Variants in ALK observed in about 807,000 individuals in gnomAD.
ALK encodes the protein ALK receptor tyrosine kinase.
Under a neutral mutation model 163.1 loss-of-function variants are expected in ALK, and 74 were observed. That is an observed-to-expected ratio of 0.45 (90% confidence interval 0.38 to 0.55). The LOEUF (loss-of-function observed/expected upper bound fraction) is 0.55. ALK is among the 20% of genes least tolerant of loss of function. The pLI is 0.00. For missense variants in ALK, 2,063 were observed against 2,105.3 expected (o/e 0.98, Z 0.39); for synonymous variants, 960 against 843.2 (o/e 1.14, Z -2.40).
intron 3 of ALK, among the ~76,000 whole-genome samples, chr2:29,622,073 A>G (rs1240006055): frequency 6.6e-6 from 1 of 152,230 alleles, no homozygotes; most frequent in African/African-American, 2.4e-5. Flanking sequence ...TTTACAGGTT[A>G]GCTTGGTTTA....
At chr2:29,750,695 G>A (rs1680337479) in intron 1 of ALK, among the ~76,000 whole-genome samples, 2 of 141,626 alleles carry the variant, frequency 1.4e-5, no homozygotes, top group South Asian at 5.1e-4. Flanking sequence ...AAGGAAGGAA[G>A]GAAGGCAGGC....
intron 3 of ALK, among the ~76,000 whole-genome samples, chr2:29,633,284 T>C (rs1676430101): frequency 6.6e-6 from 1 of 152,106 alleles, no homozygotes; most frequent in African/African-American, 2.4e-5. Flanking sequence ...AAGGCTGCAC[T>C]CTTGTTCTGA....
chr2:29,368,824 AG>A (rs1668573745), intron 5 of ALK, among the ~76,000 whole-genome samples: 1 of 152,154 alleles, frequency 6.6e-6, no homozygotes, highest in South Asian at 2.1e-4. Flanking sequence ...ATCTGTTCTC[AG>A]GGGTGATATT....
chr2:29,377,705 C>A (rs1668790990), intron 5 of ALK, among the ~76,000 whole-genome samples: 1 of 152,080 alleles, frequency 6.6e-6, no homozygotes, highest in African/African-American at 2.4e-5. Context: ...AGTTCAAACA[C>A]CCTCATTTTA....
intron 1 of ALK, among the ~76,000 whole-genome samples, chr2:29,841,742 A>G (rs1665706991): frequency 6.6e-6 from 1 of 152,198 alleles, no homozygotes; most frequent in Admixed American, 6.5e-5. Context: ...CAATGAAATA[A>G]ACTTCCATTT....
chr2:29,200,454 T>A (rs1669128376), intron 26 of ALK, among the ~76,000 whole-genome samples: 1 of 152,118 alleles, frequency 6.6e-6, no homozygotes, highest in Non-Finnish European at 1.5e-5. Context: ...CAATACCAGA[T>A]ACCTAGTTAA....
intron 4 of ALK, among the ~76,000 whole-genome samples, chr2:29,490,503 C>T (rs570594857): frequency 1.1e-4 from 16 of 152,282 alleles, no homozygotes; most frequent in South Asian, 4.1e-4. Flanking sequence ...TATTAGGCCT[C>T]GTTCCAGCCT....
intron 26 of ALK, among the ~76,000 whole-genome samples, chr2:29,205,498 G>A (rs551604761): frequency 6.6e-6 from 1 of 152,178 alleles, no homozygotes; most frequent in Non-Finnish European, 1.5e-5. Flanking sequence ...CTGAAGGCCG[G>A]ACATCTGAAA....
chr2:29,564,697 T>C (rs1199596930), intron 3 of ALK, among the ~76,000 whole-genome samples: 1 of 152,196 alleles, frequency 6.6e-6, no homozygotes, highest in Non-Finnish European at 1.5e-5. Flanking sequence ...ACTGAGGTCA[T>C]TATGCGTGAG....
At chr2:29,726,266 A>T (rs1378851563) in intron 1 of ALK, among the ~76,000 whole-genome samples, 2 of 151,946 alleles carry the variant, frequency 1.3e-5, no homozygotes, top group Non-Finnish European at 2.9e-5. Context: ...TATGAAATTT[A>T]CTCCACTGTG....
intron 3 of ALK, among the ~76,000 whole-genome samples, chr2:29,589,554 T>C (rs1223539638): frequency 6.6e-6 from 1 of 152,186 alleles, no homozygotes. Flanking sequence ...GGCAGGTCTT[T>C]TGGGTCCCAA....
chr2:29,321,216 A>C (rs1667033586), intron 6 of ALK, among the ~76,000 whole-genome samples: 1 of 152,246 alleles, frequency 6.6e-6, no homozygotes, highest in Admixed American at 6.5e-5. Flanking sequence ...CAGCTAACAG[A>C]TAACCCAGTT....
intron 3 of ALK, among the ~76,000 whole-genome samples, chr2:29,546,891 A>AC (rs2148171223): frequency 6.6e-6 from 1 of 152,276 alleles, no homozygotes; most frequent in East Asian, 1.9e-4. Flanking sequence ...GTTCTCAGAT[A>AC]CCCGCTGCTG....
At chr2:29,283,124 T>G (rs10173020) in intron 9 of ALK, among the ~76,000 whole-genome samples, 136,686 of 152,202 alleles carry the variant, frequency 0.9, 62,552 homozygotes, top group Non-Finnish European at 0.99. Flanking sequence ...TAGGGAAGGA[T>G]TCAAGTGCCT....
intron 9 of ALK, among the ~76,000 whole-genome samples, chr2:29,281,561 C>T (rs1207029790): frequency 6.6e-6 from 1 of 152,192 alleles, no homozygotes; most frequent in African/African-American, 2.4e-5. Flanking sequence ...GTTGTTGTTG[C>T]TTTTTCTTTT....
In ALK at chr2:29,204,365, C is replaced by T. The variant is rs1347919890; in HGVS notation, c.3938+2806G>A. Among the ~76,000 whole-genome samples, 5 of 152,286 alleles carry T rather than the reference C, an allele frequency of 3.3e-5. No homozygotes were observed. The East Asian group carries it at 9.6e-4, about 29-fold the overall frequency. Reference sequence around the variant, plus strand: ...TTAATTGTCTTGTTTCTTTGGGCTTCTCTTGACTATGACAACACCTCCGAC... The same window carrying T: ...TTAATTGTCTTGTTTCTTTGGGCTTTTCTTGACTATGACAACACCTCCGAC... On this transcript the variant is annotated intron_variant, in intron 26 of 28. Transcript: ENST00000389048.
intron 23 of ALK, among the ~76,000 whole-genome samples, chr2:29,217,513 G>A (rs909106368): frequency 6.6e-6 from 1 of 151,342 alleles, no homozygotes; most frequent in African/African-American, 2.5e-5. Context: ...CATGCATTTC[G>A]TTTCCACAAC....
rs114688371 is a variant in ALK at position 29,410,349 on chromosome 2, C to A, written c.1155-26490G>T. ...CCTTTGTGTATCACCTAATTGTGAC[C>A]TGGAAGCTCCTGCCCACCTTCTGCC... On this transcript the variant is annotated intron_variant, in intron 4 of 28. Transcript: ENST00000389048. Among the ~76,000 whole-genome samples the A allele has an allele frequency of 4.0e-3, 612 of 152,312 alleles. 4 individuals carry two copies. Among genetic ancestry groups the A allele is most frequent in the African/African-American group, 0.014 (577 of 41,566 alleles).
chr2:29,705,057 A>C (rs978930469), intron 2 of ALK, among the ~76,000 whole-genome samples: 7 of 151,058 alleles, frequency 4.6e-5, no homozygotes, highest in Non-Finnish European at 1.0e-4. Flanking sequence ...GTCTCTACTA[A>C]AAATACAAAA....
Sources: allele counts gnomAD v4.1 joint callset (sites outside exome capture counted in the v4.1 genomes callset), GRCh38; gene constraint gnomAD v4.1.1; transcripts MANE v1.5; gene names NCBI Gene and HGNC (gene_info 2026-07-23, HGNC 2026-07-21).